Variants in TAOK2 observed in about 807,000 individuals in gnomAD.
TAOK2 encodes TAO kinase 2.
In TAOK2, 42 loss-of-function variants were observed where a neutral mutation model predicts 122.5. That is an observed-to-expected ratio of 0.34 (90% CI 0.27 to 0.44). The LOEUF is 0.44. Among genes scored for constraint, TAOK2 ranks in the 20% least tolerant of loss-of-function variants. The pLI, the probability that TAOK2 is intolerant of heterozygous loss-of-function variation, is 1.00. For missense variants in TAOK2, 1,264 were observed against 1,644.9 expected (o/e 0.77, Z 4.01); for synonymous variants, 704 against 677.6 (o/e 1.04, Z -0.61).
rs965191672 is a variant in TAOK2, at chr16:29,986,638, T to A, written c.2366T>A (p.Leu789His). Residue 789 changes from leucine (L) to histidine (H), a missense_variant, in exon 16 of 16, where the codon CTT (leucine) becomes CAT (histidine). By Grantham distance (99) the Leu-to-His change is moderately conservative (BLOSUM62 -3). This residue lies in a region of TAOK2 where 824 missense variants were observed against 908.7 expected (regional missense o/e 0.91). Transcript: ENST00000308893. The surrounding 1 kb of genome is among the most constrained non-coding windows in gnomAD (Gnocchi z 4.2). Reference protein sequence around the residue: ...GQEAVLDQRMLGEEEEAVGER... With the variant: ...GQEAVLDQRMHGEEEEAVGER... ...GAGGCAGTCCTGGACCAAAGAATGC[T>A]TGGCGAGGAGGAGGAAGCAGTTGGA... is the stretch of plus-strand genomic sequence containing the variant. 6.2e-7 allele frequency: 1 copy of A among 1,611,740 alleles called. No individual in the cohort carries two copies. Among genetic ancestry groups the A allele is most frequent in the Admixed American group, 1.7e-5 (1 of 59,438 alleles).
Position 29,978,051 on chromosome 16 carries a change from C to T in TAOK2, c.133-38C>T, listed in dbSNP as rs770142001. On this transcript the variant is annotated intron_variant, in intron 2 of 15. Transcript: ENST00000308893. ...AGCAAGTCTTCCCATGCCCGGCTCT[C>T]AATGGGGCCTTCAACACCTTCTGGT... The T allele has an allele frequency of 5.6e-5, 91 of 1,613,224 alleles. No individual in the cohort carries two copies. In the South Asian group the frequency reaches 9.8e-4, roughly 17 times the overall value.
chr16:29,984,722 C>T (rs1596610501), intron 13 of TAOK2, among the ~76,000 whole-genome samples: 1 of 152,160 alleles, frequency 6.6e-6, no homozygotes, highest in Non-Finnish European at 1.5e-5. Flanking sequence ...CCCGATCCCA[C>T]CTCAATACCT....
At chr16:29,978,948 G>A (rs2069538653) in intron 5 of TAOK2, 26 bp from the exon 6 acceptor site, 1 of 1,614,042 alleles carries the variant, frequency 6.2e-7, no homozygotes, top group Non-Finnish European at 8.5e-7. Context: ...CGCTCCCTCG[G>A]GTTGATGTTC....
At position 29,987,257 on chromosome 16, in the gene TAOK2, G is replaced by T. The variant is rs1219644313; in HGVS notation, c.2985G>T (p.Gly995=). The T allele has an allele frequency of 2.0e-6, 3 of 1,530,382 alleles. No individual in the cohort carries two copies. Among genetic ancestry groups the T allele is most frequent in the Non-Finnish European group, 2.6e-6 (3 of 1,143,912 alleles). The allele number at this position is 1,530,382 out of a possible 1,614,324, so 94.8% of individuals were successfully genotyped here. A position where few individuals can be genotyped will look rare whatever the true frequency, so the allele number is the denominator to read the frequency against. The part of the protein sequence containing the change: ...LQAALLALEV[G]LVGLGASYLL... ...CAGCGCTGCTGGCCCTTGAGGTGGG[G>T]CTGGTGGGTCTGGGGGCCTCCTACC... Residue 995 remains glycine, a synonymous_variant, in exon 16 of 16, where the codon GGG becomes GGT. Transcript: ENST00000308893.
At chr16:29,982,389 A>G (rs1335633259) in intron 10 of TAOK2, among the ~76,000 whole-genome samples, 2 of 152,224 alleles carry the variant, frequency 1.3e-5, no homozygotes. Context: ...CAGATTATGT[A>G]GTTGGACCCA....
At position 29,987,798 on chromosome 16, in the gene TAOK2, G is replaced by T; in HGVS notation, c.3526G>T (p.Ala1176Ser). ...TTTAGCATCCCACTTGCCCCCGTGG[G>T]CCATCCACACACTGGCCAGCTGGGG... ...QGLASHLPPW[A>S]IHTLASWGLL... Residue 1176 changes from alanine (A) to serine (S), a missense_variant, in exon 16 of 16, where the codon GCC (alanine) becomes TCC (serine). Physicochemically the swap from Ala to Ser is moderately conservative, Grantham distance 99. Transcript: ENST00000308893. 6.2e-7 allele frequency: 1 copy of T among 1,613,698 alleles called. No homozygotes were observed. Among genetic ancestry groups the T allele is most frequent in the Non-Finnish European group, 8.5e-7 (1 of 1,179,868 alleles).
chr16:29,979,379 G>A lies in TAOK2; in HGVS notation c.564-38G>A, dbSNP rs757390223. 4 of 1,607,010 alleles carry A rather than the reference G, an allele frequency of 2.5e-6. No individual in the cohort carries two copies. The South Asian group carries it at 4.4e-5, about 18-fold the overall frequency. On this transcript the variant is annotated intron_variant, in intron 7 of 15. Coordinates refer to ENST00000308893, the MANE Select transcript of TAOK2 (RefSeq NM_016151.4). This position sits in a 1 kb window ranked among gnomAD's most constrained non-coding sequence, Gnocchi z 4.1. ...TGGGAGTAGGAGTGACAGGGTCTCG[G>A]CGGGTGATTTGCCTCTCTCTCCTGA...
Position 29,983,579 on chromosome 16 carries a change from C to T in TAOK2, c.1337C>T (p.Ala446Val). ...PSPLQPPAAP[A>V]PTSTTSSARR... ...CCTCTCCAGCCGCCTGCAGCCCCAG[C>T]TCCCACTTCCACCACCTCTTCCGCC... Residue 446 changes from alanine (A) to valine (V), a missense_variant, in exon 13 of 16, where the codon GCT becomes GTT. This residue lies in a region of TAOK2 where 122 missense variants were observed against 116.7 expected (regional missense o/e 1.04). Coordinates refer to ENST00000308893, the MANE Select transcript of TAOK2 (RefSeq NM_016151.4). The T allele has an allele frequency of 1.9e-6, 3 of 1,614,040 alleles. No individual in the cohort carries two copies. The highest frequency in any genetic ancestry group is 2.2e-5 in the South Asian group (2 of 91,088).
At chr16:29,991,781 G>A (rs1285504653), downstream of TAOK2, 8 of 499,634 alleles carry the variant, frequency 1.6e-5, no homozygotes, top group East Asian at 7.1e-5. This position sits in a 1 kb window ranked among gnomAD's most constrained non-coding sequence, Gnocchi z 5.6. Flanking sequence ...TGGGAGCCCC[G>A]CCTCCCTACC....
rs1029390630 is a variant in TAOK2 at position 29,978,946 on chromosome 16, C to G, written c.353-28C>G. The G allele has an allele frequency of 1.9e-6, 3 of 1,613,828 alleles. No individual in the cohort carries two copies. In the East Asian group the frequency reaches 6.7e-5, roughly 36 times the overall value. On this transcript the variant is annotated intron_variant, in intron 5 of 15. Coordinates refer to ENST00000308893, the MANE Select transcript of TAOK2 (RefSeq NM_016151.4). ...TTCCAGTCCCACCCTTGCGCTCCCT[C>G]GGGTTGATGTTCTTCCTCACTCTCC... is the stretch of plus-strand genomic sequence containing the variant.
rs370624974 is a variant in TAOK2, at chr16:29,979,091, G to T, written c.449+21G>T. ...CATAGGTACAAGCAGCACCGGCAGT[G>T]CCTGGGAGGGGAGTGCTATCTGCAC... is the stretch of plus-strand genomic sequence containing the variant. On this transcript the variant is annotated intron_variant, in intron 6 of 15. Transcript: ENST00000308893. This position sits in a 1 kb window ranked among gnomAD's most constrained non-coding sequence, Gnocchi z 4.1. 3.1e-6 allele frequency: 5 copies of T among 1,613,714 alleles called. No individual in the cohort carries two copies. The African/African-American group carries it at 5.3e-5, about 17-fold the overall frequency.
rs374062629 is a variant in TAOK2, at chr16:29,979,377, C to T, written c.564-40C>T. ...GTTGGGAGTAGGAGTGACAGGGTCT[C>T]GGCGGGTGATTTGCCTCTCTCTCCT... On this transcript the variant is annotated intron_variant, in intron 7 of 15. Transcript: ENST00000308893. This position sits in a 1 kb window ranked among gnomAD's most constrained non-coding sequence, Gnocchi z 4.1. 36 of 1,606,182 alleles carry T rather than the reference C, an allele frequency of 2.2e-5. No individual in the cohort carries two copies. The highest frequency in any genetic ancestry group is 4.4e-5 in the South Asian group (4 of 90,478).
Position 29,988,198 on chromosome 16 carries a change from T to C in TAOK2, c.*218T>C, listed in dbSNP as rs980747726. 1.4e-6 allele frequency: 2 copies of C among 1,433,578 alleles called. No individual in the cohort carries two copies. Among genetic ancestry groups the C allele is most frequent in the Non-Finnish European group, 1.8e-6 (2 of 1,099,488 alleles). 88.8% of individuals were successfully genotyped at this position (1,433,578 alleles called of 1,614,324 possible). A position where few individuals can be genotyped will look rare whatever the true frequency, so the allele number is the denominator to read the frequency against. On this transcript the variant is annotated 3_prime_UTR_variant, in exon 16 of 16. Transcript: ENST00000308893. ...TTCTCCTGGCGCTCCTCCCCTAAGT[T>C]ATTGCTGTTCGCCCGCTGTGTGTGC...
At chr16:29,988,432 C>T, downstream of TAOK2, 6 of 1,283,742 alleles carry the variant, frequency 4.7e-6, no homozygotes, top group South Asian at 1.3e-5. Flanking sequence ...CTGCTTTGTC[C>T]TGCCGCCTAG....
downstream of TAOK2, chr16:29,989,703 C>T (rs144979061): frequency 1.7e-4 from 278 of 1,613,972 alleles, no homozygotes; most frequent in Admixed American, 9.2e-4. Context: ...AAGCTCAGCA[C>T]AAGAGCCTCC....
In TAOK2 at chr16:29,987,368, G is replaced by A; in HGVS notation, c.3096G>A (p.Leu1032=). ...QGTALGAVLG[L]SWRRGLMGVP... ...CCGCACTGGGGGCCGTCCTGGGCCT[G>A]AGCTGGCGCCGAGGCCTCATGGGTG... is the stretch of plus-strand genomic sequence containing the variant. Residue 1032 remains leucine, a synonymous_variant, in exon 16 of 16, where the codon CTG becomes CTA. Coordinates refer to ENST00000308893, the MANE Select transcript of TAOK2 (RefSeq NM_016151.4). The A allele has an allele frequency of 6.3e-7, 1 of 1,596,580 alleles. No individual in the cohort carries two copies. The highest frequency in any genetic ancestry group is 8.5e-7 in the Non-Finnish European group (1 of 1,169,944).
rs754412554 is a variant in TAOK2, at chr16:29,987,674, G to A, written c.3402G>A (p.Arg1134=). The A allele has an allele frequency of 5.6e-6, 9 of 1,613,936 alleles. No individual in the cohort carries two copies. Among genetic ancestry groups the A allele is most frequent in the Admixed American group, 5.0e-5 (3 of 60,004 alleles). Residue 1134 remains arginine, a synonymous_variant, in exon 16 of 16, where the codon CGG becomes CGA. Transcript: ENST00000308893. The stretch of plus-strand genomic sequence containing the variant: ...GCCTGCCCGTCCCTGGGCCCCGGCG[G>A]CGTAATCCCCGCACCACCCAACACC... ...RSRLPVPGPR[R]RNPRTTQHPL...
At chr16:29,991,610 T>C, downstream of TAOK2, 2 of 1,433,612 alleles carry the variant, frequency 1.4e-6, no homozygotes, top group Non-Finnish European at 1.8e-6. The surrounding 1 kb of genome is among the most constrained non-coding windows in gnomAD (Gnocchi z 5.6). Flanking sequence ...AGGGCAGGGG[T>C]GGGTGGAGCC....
In TAOK2 at chr16:29,979,583, C is replaced by G. The variant is rs1157605908; in HGVS notation, c.655+75C>G. 5.7e-6 allele frequency: 7 copies of G among 1,224,222 alleles called. No individual in the cohort carries two copies. Among genetic ancestry groups the G allele is most frequent in the African/African-American group, 1.5e-5 (1 of 65,060 alleles). The allele number at this position is 1,224,222 out of a possible 1,614,324, so 75.8% of individuals were successfully genotyped here. ...TAGTTCCCAGACTCCGGACTACCCCCTTCTCCTAGGGATGGGATCCCAGGC... is the reference window on the plus strand; with the variant it reads ...TAGTTCCCAGACTCCGGACTACCCCGTTCTCCTAGGGATGGGATCCCAGGC... On this transcript the variant is annotated intron_variant, in intron 8 of 15. Transcript: ENST00000308893. The surrounding 1 kb of genome is among the most constrained non-coding windows in gnomAD (Gnocchi z 4.1).
Sources: gnomAD v4.1 joint callset for allele counts (sites outside exome capture counted in the v4.1 genomes callset) on GRCh38, gnomAD v4.1.1 for gene constraint, gnomAD v4.1.1 regional missense constraint, Gnocchi (gnomAD v3.1) non-coding constraint, MANE v1.5 for transcripts, NCBI Gene and HGNC (gene_info 2026-07-23, HGNC 2026-07-21) for gene names.